The following TNFSF18 variants were observed in gnomAD, a reference collection of about 807,000 sequenced individuals.
The protein encoded by TNFSF18 is TNF superfamily member 18, also known as tumor necrosis factor ligand superfamily member 18.
TNFSF18 carries 6 observed loss-of-function variants against 9.6 expected under a neutral mutation model. That is an observed-to-expected ratio of 0.63 (90% confidence interval 0.34 to 1.24). The LOEUF (loss-of-function observed/expected upper bound fraction) is 1.24, where lower values mean the gene tolerates loss of function less well. Among genes scored for constraint, TNFSF18 ranks in the 50% most tolerant of loss-of-function variants. The pLI is 0.03. For synonymous variants in TNFSF18, 68 were observed against 71.7 expected, an observed-to-expected ratio of 0.95 and a Z score of 0.26; for missense variants, 210 against 201.0, an observed-to-expected ratio of 1.04 and a Z score of -0.27.
intron 1 of TNFSF18, among the ~76,000 whole-genome samples, chr1:173,047,236 G>A (rs886319918): frequency 6.6e-6 from 1 of 152,116 alleles, no homozygotes; most frequent in Non-Finnish European, 1.5e-5. Flanking sequence ...TTTCCTGGAG[G>A]AGATGTTGAA....
rs756139190 is a variant in TNFSF18 at position 173,041,398 on chromosome 1, A to T, written c.503T>A (p.Ile168Asn). The T allele has an allele frequency of 2.5e-6, 4 of 1,611,014 alleles. No homozygotes were observed. In the South Asian group the frequency reaches 4.4e-5, roughly 18 times the overall value. The change falls in exon 3 of 3, where the codon ATT becomes AAT. Residue 168 changes from isoleucine to asparagine, a missense_variant. Ile to Asn is a moderately radical substitution (Grantham distance 149). Transcript: ENST00000404377. The stretch of plus-strand genomic sequence containing the variant: ...GATGAATTGGGGATTTGCTAGTAAA[A>T]TGATACCCCAGTATGTATTATTTTT... Reference protein sequence around the residue: ...VLKNNTYWGIILLANPQFIS With the variant: ...VLKNNTYWGINLLANPQFIS
In TNFSF18 at chr1:173,045,212, G is replaced by T. The variant is rs78101996; in HGVS notation, c.157-1243C>A. Among the ~76,000 whole-genome samples, 17 of 152,220 alleles carry T rather than the reference G, an allele frequency of 1.1e-4. No homozygotes were observed. In the East Asian group the frequency reaches 3.3e-3, roughly 29 times the overall value. On this transcript the variant is annotated intron_variant, in intron 1 of 2. Transcript: ENST00000404377. Reference sequence around the variant, plus strand: ...CTGTGAGATTGTATGAGGCCATCATGTTAGTGGGTGTAGATGGAGAGGAAC... The same window carrying T: ...CTGTGAGATTGTATGAGGCCATCATTTTAGTGGGTGTAGATGGAGAGGAAC...
chr1:173,041,819 T>TAATGACACGGCG, intron 2 of TNFSF18, 106 bp from the exon 3 acceptor site: 1 of 949,792 alleles, frequency 1.1e-6, no homozygotes, highest in Non-Finnish European at 1.5e-6. Flanking sequence ...GTTGTTTCTT[T>TAATGACACGGCG]ACCTGATCTA....
At chr1:173,041,794 A>G in intron 2 of TNFSF18, 81 bp from the exon 3 acceptor site, 1 of 1,303,046 alleles carries the variant, frequency 7.7e-7, no homozygotes, top group Non-Finnish European at 1.1e-6. Context: ...GTAGTTAATT[A>G]TTTACCACAT....
intron 1 of TNFSF18, 44 bp downstream of exon 1, chr1:173,050,697 A>G: frequency 7.7e-7 from 1 of 1,298,134 alleles, no homozygotes; most frequent in Non-Finnish European, 1.1e-6. Context: ...AAATAAATAG[A>G]GGATTATAGC....
rs745441783 is a variant in TNFSF18 at position 173,041,430 on chromosome 1, C to T, written c.471G>A (p.Gln157=). Residue 157 remains glutamine, a synonymous_variant, in exon 3 of 3, where the codon CAG becomes CAA. Transcript: ENST00000404377. ...TIDLIFNSEH[Q]VLKNNTYWGI... Reference sequence around the variant, plus strand: ...CCCAGTATGTATTATTTTTTAGAACCTGATGCTCAGAGTTGAATATCAAGT... The same window carrying T: ...CCCAGTATGTATTATTTTTTAGAACTTGATGCTCAGAGTTGAATATCAAGT... 6.2e-7 allele frequency: 1 copy of T among 1,613,130 alleles called. No individual in the cohort carries two copies. The highest frequency in any genetic ancestry group is 1.3e-5 in the African/African-American group (1 of 74,888).
chr1:173,041,819 T>TAATGATACGTCG lies in TNFSF18; in HGVS notation c.188-107_188-106insCGACGTATCATT. On this transcript the variant is annotated intron_variant, in intron 2 of 2. Coordinates refer to ENST00000404377, the MANE Select transcript of TNFSF18 (RefSeq NM_005092.4). ...ATTTACCACATACATGTTGTTTCTT[T>TAATGATACGTCG]ACCTGATCTACACTAGTTCTCTTCA... 4.2e-6 allele frequency: 4 copies of TAATGATACGTCG among 949,780 alleles called. No homozygotes were observed. The South Asian group carries it at 6.6e-5, about 16-fold the overall frequency. The allele number at this position is 949,780 out of a possible 1,614,324, so 58.8% of individuals were successfully genotyped here. A position where few individuals can be genotyped will look rare whatever the true frequency, so the allele number is the denominator to read the frequency against.
chr1:173,044,844 T>C (rs1665053838), intron 1 of TNFSF18, among the ~76,000 whole-genome samples: 1 of 152,146 alleles, frequency 6.6e-6, no homozygotes, highest in African/African-American at 2.4e-5. Flanking sequence ...CAAGAGAGCA[T>C]GGTGTCTCTG....
intron 1 of TNFSF18, among the ~76,000 whole-genome samples, chr1:173,046,456 A>T (rs1201820764): frequency 6.6e-6 from 1 of 152,204 alleles, no homozygotes; most frequent in Non-Finnish European, 1.5e-5. Context: ...TTCAGTCATG[A>T]TGGTCAAAAT....
In TNFSF18 at chr1:173,045,633, T is replaced by TG. The variant is rs148659531; in HGVS notation, c.157-1665_157-1664insC. Among the ~76,000 whole-genome samples, 10 of 151,236 alleles carry TG rather than the reference T, an allele frequency of 6.6e-5. No individual in the cohort carries two copies. In the East Asian group the frequency reaches 9.9e-4, roughly 15 times the overall value. On this transcript the variant is annotated intron_variant, in intron 1 of 2. Transcript: ENST00000404377. ...TGAGGATGAGAGATCAAAGAGGTTT[T>TG]TTGTTGTTGTTGTTGTTGTTGTTGT... is the stretch of plus-strand genomic sequence containing the variant.
chr1:173,049,186 CT>C (rs1412593360), intron 1 of TNFSF18, among the ~76,000 whole-genome samples: 1 of 152,164 alleles, frequency 6.6e-6, no homozygotes, highest in Non-Finnish European at 1.5e-5. Context: ...ATTAGACTTT[CT>C]CTTTCCCTTT....
chr1:173,043,971 T>A lies in TNFSF18; in HGVS notation c.157-2A>T. 6.2e-7 allele frequency: 1 copy of A among 1,612,318 alleles called. No homozygotes were observed. The highest frequency in any genetic ancestry group is 1.7e-4 in the Middle Eastern group (1 of 6,060). On this transcript the variant is annotated splice_acceptor_variant, in intron 1 of 2. Transcript: ENST00000404377. LOFTEE classifies it high-confidence loss of function. The stretch of plus-strand genomic sequence containing the variant: ...AGCCATACAGGGCTCCTTAGCAGTC[T>A]GTTGGGGAAATAAAAGATGAATTGA...
Position 173,039,548 on chromosome 1 carries a change from T to C in TNFSF18, c.*1819A>G, listed in dbSNP as rs1213476179. 6.6e-6 allele frequency among the ~76,000 whole-genome samples: 1 copy of C among 152,116 alleles called. No individual in the cohort carries two copies. The highest frequency in any genetic ancestry group is 1.5e-5 in the Non-Finnish European group (1 of 68,006). ...GTGTAGTGTTTGCCAATTTACATGG[T>C]ATAAATACTCCCACCATAGCCAATT... On this transcript the variant is annotated 3_prime_UTR_variant, in exon 3 of 3. Transcript: ENST00000404377.
Position 173,041,632 on chromosome 1 carries a change from A to T in TNFSF18, c.269T>A (p.Leu90His). 1 of 1,613,582 alleles carries T rather than the reference A, an allele frequency of 6.2e-7. No individual in the cohort carries two copies. The highest frequency in any genetic ancestry group is 8.5e-7 in the Non-Finnish European group (1 of 1,179,618). ...ATAAATTAAATATAAGCCATTCTGA[A>T]GTATCTCCAGCTTCCAGTCAGACAC... ...NKVSDWKLEI[L>H]QNGLYLIYGQ... The change falls in exon 3 of 3, where the codon CTT becomes CAT. Residue 90 changes from leucine (L) to histidine (H), a missense_variant. Transcript: ENST00000404377.
Position 173,050,936 on chromosome 1 carries a change from A to G in TNFSF18, c.-40T>C, listed in dbSNP as rs1251485379. 1 of 1,613,658 alleles carries G rather than the reference A, an allele frequency of 6.2e-7. No individual in the cohort carries two copies. The highest frequency in any genetic ancestry group is 8.5e-7 in the Non-Finnish European group (1 of 1,179,754). ...GAGCTGTGGAAAACAAAAATTCACA[A>G]GTGATGGGTGAAGGATGCAATGTCA... is the stretch of plus-strand genomic sequence containing the variant. On this transcript the variant is annotated 5_prime_UTR_variant, in exon 1 of 3. Coordinates refer to ENST00000404377, the MANE Select transcript of TNFSF18 (RefSeq NM_005092.4).
rs1557844009 is a variant in TNFSF18, at chr1:173,039,765, CAT to C, written c.*1600_*1601del. On this transcript the variant is annotated 3_prime_UTR_variant, in exon 3 of 3. Transcript: ENST00000404377. Reference sequence around the variant, plus strand: ...ACACACACACACACACACACACACACATATGTATGACACACTTTAATTTCCTG... The same window carrying C: ...ACACACACACACACACACACACACACATGTATGACACACTTTAATTTCCTG... Among the ~76,000 whole-genome samples, 3 of 150,988 alleles carry C rather than the reference CAT, an allele frequency of 2.0e-5. No individual in the cohort carries two copies. Among genetic ancestry groups the C allele is most frequent in the East Asian group, 1.9e-4 (1 of 5,142 alleles).
chr1:173,044,140 G>T (rs1665035100), intron 1 of TNFSF18, among the ~76,000 whole-genome samples, 171 bp from the exon 2 acceptor site: 1 of 151,940 alleles, frequency 6.6e-6, no homozygotes, highest in South Asian at 2.1e-4. Context: ...TTAAAGTTGA[G>T]TGGCTCCATC....
In TNFSF18 at chr1:173,050,747, T is replaced by C. The variant is rs1056600668; in HGVS notation, c.150A>G (p.Gln50=). The change falls in exon 1 of 3, where the codon CAA becomes CAG. Residue 50 remains glutamine, a synonymous_variant. Transcript: ENST00000404377. ...GGTACAATTGCCTCCTTACCTCTAATTGGAGAAAAATAAAGATTAGCCAAC... is the reference window on the plus strand; with the variant it reads ...GGTACAATTGCCTCCTTACCTCTAACTGGAGAAAAATAAAGATTAGCCAAC... ...SFSWLIFIFL[Q]LETAKEPCMA... The C allele has an allele frequency of 5.0e-6, 8 of 1,601,778 alleles. No individual in the cohort carries two copies. The Admixed American group carries it at 6.9e-5, about 14-fold the overall frequency.
chr1:173,043,546 C>T (rs1441855639), intron 2 of TNFSF18, among the ~76,000 whole-genome samples: 1 of 152,190 alleles, frequency 6.6e-6, no homozygotes, highest in Non-Finnish European at 1.5e-5. Context: ...CAATGGCACT[C>T]TCTCACATAC....
Sources: gnomAD v4.1 joint callset for allele counts (sites outside exome capture counted in the v4.1 genomes callset) on GRCh38, gnomAD v4.1.1 for gene constraint, MANE v1.5 for transcripts, NCBI Gene and HGNC (gene_info 2026-07-23, HGNC 2026-07-21) for gene names.